PFKFB4: variants seen among roughly 807,000 people sequenced by gnomAD.
PFKFB4 encodes 6-phosphofructo-2-kinase/fructose-2,6-biphosphatase 4.
In PFKFB4, 42 loss-of-function variants were observed where a neutral mutation model predicts 62.8. The ratio of observed to expected loss-of-function variants is 0.67; its 90% confidence interval spans 0.52 to 0.86. PFKFB4 has a LOEUF of 0.86. PFKFB4 is among the 40% of genes least tolerant of loss of function. The pLI, the probability that PFKFB4 is intolerant of heterozygous loss-of-function variation, is 0.00. For missense variants in PFKFB4, 475 were observed against 627.2 expected (o/e 0.76, Z 2.59); for synonymous variants, 204 against 240.7 (o/e 0.85, Z 1.41).
rs937953515 is a variant in PFKFB4, at chr3:48,549,783, T to C, written c.311+81A>G. 6 of 886,094 alleles carry C rather than the reference T, an allele frequency of 6.8e-6. No homozygotes were observed. The African/African-American group carries it at 8.2e-5, about 12-fold the overall frequency. 54.9% of individuals were successfully genotyped at this position (886,094 alleles called of 1,614,324 possible). A position where few individuals can be genotyped will look rare whatever the true frequency, so the allele number is the denominator to read the frequency against. On this transcript the variant is annotated intron_variant, in intron 3 of 13. Transcript: ENST00000232375. ...CAGCTCCACTCCAGGGGCTTCTCAG[T>C]AAATGGTCAGTAATGTGTTAGCTTT...
chr3:48,527,684 C>CCT (rs1491452453), intron 9 of PFKFB4, among the ~76,000 whole-genome samples: 9 of 121,218 alleles, frequency 7.4e-5, no homozygotes, highest in African/African-American at 2.5e-4. Flanking sequence ...CGTCCATCAT[C>CCT]TTTTTTTTTT....
At chr3:48,531,857 C>T (rs1438057737) in intron 9 of PFKFB4, among the ~76,000 whole-genome samples, 1 of 151,860 alleles carries the variant, frequency 6.6e-6, no homozygotes, top group Non-Finnish European at 1.5e-5. Context: ...AGATGCAATA[C>T]CACACCCATT....
chr3:48,543,609 A>C lies in PFKFB4; in HGVS notation c.349T>G (p.Phe117Val), dbSNP rs779067127. Residue 117 changes from phenylalanine to valine, a missense_variant, in exon 4 of 14, where the codon TTC becomes GTC. Coordinates refer to ENST00000232375, the MANE Select transcript of PFKFB4 (RefSeq NM_004567.4). ...ACATGTCCCCCCTCCTCACTAAGGA[A>C]CCGCCGGACGTCACGGAGGGCTGCC... ...ALAALRDVRR[F>V]LSEEGGHVAV... 1.2e-6 allele frequency: 2 copies of C among 1,612,302 alleles called. No individual in the cohort carries two copies. The highest frequency in any genetic ancestry group is 1.7e-6 in the Non-Finnish European group (2 of 1,179,392).
At chr3:48,524,953 C>T (rs540836061) in intron 10 of PFKFB4, among the ~76,000 whole-genome samples, 1 of 152,220 alleles carries the variant, frequency 6.6e-6, no homozygotes, top group Non-Finnish European at 1.5e-5. Context: ...TGTGGAAGGT[C>T]TCCCTGGGTC....
Position 48,535,669 on chromosome 3 carries a change from T to C in PFKFB4, c.841-11A>G, listed in dbSNP as rs749841189. ...TAGACTCTTGGCAAACTGAAATACA[T>C]CATAAGCAAACTCAGACCCACAGGT... is the stretch of plus-strand genomic sequence containing the variant. On this transcript the variant is annotated splice_polypyrimidine_tract_variant and intron_variant, in intron 8 of 13. Coordinates refer to ENST00000232375, the MANE Select transcript of PFKFB4 (RefSeq NM_004567.4). The C allele has an allele frequency of 4.3e-6, 7 of 1,614,036 alleles. No homozygotes were observed. In the South Asian group the frequency reaches 6.6e-5, roughly 15 times the overall value.
chr3:48,562,887 T>A (rs765858137), upstream of PFKFB4: 6 of 1,603,436 alleles, frequency 3.7e-6, no homozygotes, highest in Non-Finnish European at 5.1e-6. The surrounding 1 kb of genome is among the most constrained non-coding windows in gnomAD (Gnocchi z 4.3). Flanking sequence ...AAGAGGCCGA[T>A]GGGGACATCC....
In PFKFB4 at chr3:48,556,543, C is replaced by A; in HGVS notation, c.97+138G>T. ...CCGCCTCACCTGTCCCCAGCAGCCT[C>A]CCCAGTCACGGCAACCTCACCTGTC... On this transcript the variant is annotated intron_variant, in intron 1 of 13. Coordinates refer to ENST00000232375, the MANE Select transcript of PFKFB4 (RefSeq NM_004567.4). This position sits in a 1 kb window ranked among gnomAD's most constrained non-coding sequence, Gnocchi z 5.7. The A allele has an allele frequency of 9.6e-7, 1 of 1,036,552 alleles. No individual in the cohort carries two copies. Among genetic ancestry groups the A allele is most frequent in the South Asian group, 1.6e-5 (1 of 62,150 alleles). 64.2% of individuals were successfully genotyped at this position (1,036,552 alleles called of 1,614,324 possible).
upstream of PFKFB4, chr3:48,562,916 G>A (rs140823487): frequency 1.3e-4 from 213 of 1,604,912 alleles, 1 homozygote; most frequent in Middle Eastern, 1.7e-3. The surrounding 1 kb of genome is among the most constrained non-coding windows in gnomAD (Gnocchi z 4.3). Flanking sequence ...GACAATGCGC[G>A]AGCCAGGGTG....
upstream of PFKFB4, among the ~76,000 whole-genome samples, chr3:48,560,557 GA>G (rs2043416625): frequency 6.6e-6 from 1 of 152,244 alleles, no homozygotes; most frequent in Non-Finnish European, 1.5e-5. Context: ...AGGGCACACA[GA>G]AAGGGTTCAG....
intron 3 of PFKFB4, 24 bp downstream of exon 3, chr3:48,549,840 C>T (rs202241455): frequency 4.1e-6 from 6 of 1,445,914 alleles, no homozygotes; most frequent in Non-Finnish European, 5.8e-6. Context: ...AACCTCTCCC[C>T]CCACACCCAA....
chr3:48,548,853 C>T (rs889245882), intron 3 of PFKFB4, among the ~76,000 whole-genome samples: 1 of 152,196 alleles, frequency 6.6e-6, no homozygotes, highest in Non-Finnish European at 1.5e-5. Context: ...CCAGCCACAC[C>T]GATGCAAGAA....
rs1028430745 is a variant in PFKFB4 at position 48,529,662 on chromosome 3, T to C, written c.988-3993A>G. Among the ~76,000 whole-genome samples the C allele has an allele frequency of 5.3e-5, 8 of 152,320 alleles. No homozygotes were observed. In the East Asian group the frequency reaches 1.3e-3, roughly 26 times the overall value. On this transcript the variant is annotated intron_variant, in intron 9 of 13. Transcript: ENST00000232375. ...GTTAAATGAGCTACAAAATGAGTTA[T>C]AAAAATTGCTTACTTTTTTGAAAGA...
In PFKFB4 at chr3:48,536,296, C is replaced by T. The variant is rs550543115; in HGVS notation, c.800G>A (p.Arg267Gln). ...GGACAGTCCTGGGTCCCCGCCAATC[C>T]GGCCCTTGAGGTTGAGCTCGCTCTC... The part of the protein sequence containing the change: ...HGESELNLKG[R>Q]IGGDPGLSPR... The change falls in exon 8 of 14, where the codon CGG becomes CAG. Residue 267 changes from arginine to glutamine, a missense_variant. Arg to Gln is a conservative substitution (Grantham distance 43). Coordinates refer to ENST00000232375, the MANE Select transcript of PFKFB4 (RefSeq NM_004567.4). 62 of 1,614,152 alleles carry T rather than the reference C, an allele frequency of 3.8e-5. No homozygotes were observed. In the South Asian group the frequency reaches 4.8e-4, roughly 13 times the overall value.
In PFKFB4 at chr3:48,556,221, AC is replaced by A. The variant is rs2043311196; in HGVS notation, c.97+459del. 2.2e-6 allele frequency: 1 copy of A among 461,958 alleles called. No homozygotes were observed. The highest frequency in any genetic ancestry group is 2.3e-5 in the Admixed American group (1 of 42,686). The allele number at this position is 461,958 out of a possible 1,614,324, so 28.6% of individuals were successfully genotyped here. A position where few individuals can be genotyped will look rare whatever the true frequency, so the allele number is the denominator to read the frequency against. On this transcript the variant is annotated intron_variant, in intron 1 of 13. Transcript: ENST00000232375. This position sits in a 1 kb window ranked among gnomAD's most constrained non-coding sequence, Gnocchi z 5.7. ...CTTCCTCCTGTTGGAAAACTAGCCC[AC>A]CTTTGAAAGTTCTGGGCTCAGAGAG... is the stretch of plus-strand genomic sequence containing the variant.
At chr3:48,542,412 C>T (rs1250214050) in intron 4 of PFKFB4, among the ~76,000 whole-genome samples, 1 of 151,480 alleles carries the variant, frequency 6.6e-6, no homozygotes, top group Non-Finnish European at 1.5e-5. Context: ...TAGCATGTAG[C>T]CACCAGAAGT....
At chr3:48,562,885 G>T, upstream of PFKFB4, 1 of 1,602,444 alleles carries the variant, frequency 6.2e-7, no homozygotes, top group Non-Finnish European at 8.5e-7. This position sits in a 1 kb window ranked among gnomAD's most constrained non-coding sequence, Gnocchi z 4.3. Flanking sequence ...GCAAGAGGCC[G>T]ATGGGGACAT....
At chr3:48,555,276 G>C (rs776839371) in intron 1 of PFKFB4, among the ~76,000 whole-genome samples, 2 of 152,138 alleles carry the variant, frequency 1.3e-5, no homozygotes, top group Non-Finnish European at 2.9e-5. Flanking sequence ...AAAGCCATGA[G>C]TTACCACGAC....
upstream of PFKFB4, among the ~76,000 whole-genome samples, chr3:48,557,688 C>G (rs2043364358): frequency 1.3e-5 from 2 of 152,116 alleles, no homozygotes; most frequent in Non-Finnish European, 2.9e-5. Context: ...AGGCGCCCAC[C>G]ACCACGCCCT....
At chr3:48,544,779 A>C (rs2042912800) in intron 3 of PFKFB4, among the ~76,000 whole-genome samples, 1 of 151,794 alleles carries the variant, frequency 6.6e-6, no homozygotes, top group African/African-American at 2.4e-5. Flanking sequence ...GCTGGAGTGC[A>C]GTGGTGCAAT....
Sources: allele counts gnomAD v4.1 joint callset (sites outside exome capture counted in the v4.1 genomes callset), GRCh38; gene constraint gnomAD v4.1.1; non-coding constraint Gnocchi (gnomAD v3.1); transcripts MANE v1.5; gene names NCBI Gene and HGNC (gene_info 2026-07-23, HGNC 2026-07-21).